Variants in CCDC178 observed in about 807,000 individuals in gnomAD.
CCDC178 encodes coiled-coil domain-containing protein 178.
Under a neutral mutation model 117.4 loss-of-function variants are expected in CCDC178, and 126 were observed. The ratio of observed to expected loss-of-function variants is 1.07; its 90% CI spans 0.93 to 1.24. The LOEUF (loss-of-function observed/expected upper bound fraction) is 1.24. Ranked by LOEUF, CCDC178 falls within the 50% of genes most tolerant of loss-of-function variation. CCDC178 has a pLI of 0.00. For missense variants in CCDC178, 1,030 were observed against 986.9 expected (o/e 1.04, Z -0.59); for synonymous variants, 283 against 313.4 (o/e 0.90, Z 1.02).
At chr18:33,043,642 G>A (rs2056589543) in intron 21 of CCDC178, among the ~76,000 whole-genome samples, 1 of 152,056 alleles carries the variant, frequency 6.6e-6, no homozygotes, top group African/African-American at 2.4e-5. Context: ...TATAAATTAA[G>A]TTTTCAGGGT....
chr18:33,416,128 T>A (rs1039408720), intron 2 of CCDC178, among the ~76,000 whole-genome samples: 1 of 151,872 alleles, frequency 6.6e-6, no homozygotes, highest in African/African-American at 2.4e-5. Flanking sequence ...GCTAAACACA[T>A]CAGAAAAAAA....
chr18:33,005,184 A>G lies in CCDC178; in HGVS notation c.2389-30503T>C, dbSNP rs188201511. Reference sequence around the variant, plus strand: ...GCACTCTCATGTTTACTGCAGCACTATCACAATCACCATGATTTGTAAACA... The same window carrying G: ...GCACTCTCATGTTTACTGCAGCACTGTCACAATCACCATGATTTGTAAACA... On this transcript the variant is annotated intron_variant, in intron 21 of 22. Transcript: ENST00000383096. Among the ~76,000 whole-genome samples the G allele has an allele frequency of 3.9e-5, 6 of 152,244 alleles. No homozygotes were observed. The East Asian group carries it at 7.7e-4, about 20-fold the overall frequency.
In CCDC178 at chr18:33,346,410, A is replaced by T. The variant is rs377568329; in HGVS notation, c.459T>A (p.Asp153Glu). 17 of 1,598,142 alleles carry T rather than the reference A, an allele frequency of 1.1e-5. No homozygotes were observed. In the African/African-American group the frequency reaches 1.9e-4, roughly 18 times the overall value. ...VKEVKPGEKR[D>E]EKCPELKQEM... ...CCTGCTTTAACTCTGGACACTTTTC[A>T]TCTTAAACAGAAATAAATATTCACA... Residue 153 changes from aspartate (D) to glutamate (E), a missense_variant and splice_region_variant, in exon 9 of 23, where the codon GAT becomes GAA. By Grantham distance (45) the Asp-to-Glu change is conservative. Coordinates refer to ENST00000383096, the MANE Select transcript of CCDC178 (RefSeq NM_001105528.4).
At chr18:33,238,695 G>A (rs1037125441) in intron 15 of CCDC178, among the ~76,000 whole-genome samples, 1 of 151,996 alleles carries the variant, frequency 6.6e-6, no homozygotes, top group Non-Finnish European at 1.5e-5. Context: ...AAAATAGAAA[G>A]ATGTAGAAAA....
At chr18:33,342,061 G>A (rs1429061026) in intron 9 of CCDC178, among the ~76,000 whole-genome samples, 1 of 152,182 alleles carries the variant, frequency 6.6e-6, no homozygotes, top group East Asian at 1.9e-4. Flanking sequence ...TCTAGAACCA[G>A]TGAAACTTCT....
intron 14 of CCDC178, among the ~76,000 whole-genome samples, chr18:33,265,175 G>T (rs72951055): frequency 0.067 from 10,255 of 152,030 alleles, 514 homozygotes; most frequent in African/African-American, 0.14. Context: ...CATTTCCAAA[G>T]GTAAAATAAT....
chr18:33,288,143 C>T (rs1029524038), intron 12 of CCDC178, among the ~76,000 whole-genome samples: 4 of 152,070 alleles, frequency 2.6e-5, no homozygotes, highest in African/African-American at 9.7e-5. Flanking sequence ...CTCCAGGTCA[C>T]CAAGTTCTTT....
At chr18:32,979,422 G>A (rs2055099201) in intron 21 of CCDC178, among the ~76,000 whole-genome samples, 1 of 152,202 alleles carries the variant, frequency 6.6e-6, no homozygotes, top group East Asian at 1.9e-4. Context: ...GCCTCCCAAA[G>A]TGCTGGGATT....
At chr18:33,329,683 A>T (rs571739566) in intron 10 of CCDC178, among the ~76,000 whole-genome samples, 3 of 152,090 alleles carry the variant, frequency 2.0e-5, no homozygotes, top group Admixed American at 2.0e-4. Flanking sequence ...ATGCTGCTAG[A>T]TTTGGGTTGC....
chr18:33,319,733 A>G (rs912444157), intron 11 of CCDC178, among the ~76,000 whole-genome samples: 1 of 152,188 alleles, frequency 6.6e-6, no homozygotes, highest in Admixed American at 6.5e-5. Context: ...TTGCCATTCT[A>G]ACTGGTGTGA....
intron 5 of CCDC178, among the ~76,000 whole-genome samples, chr18:33,388,033 C>A (rs1165638105): frequency 1.3e-5 from 2 of 151,708 alleles, no homozygotes; most frequent in Admixed American, 1.3e-4. Context: ...CAAACAACCC[C>A]ATTAAAAAAA....
intron 21 of CCDC178, among the ~76,000 whole-genome samples, chr18:33,010,547 T>C (rs2055843027): frequency 6.6e-6 from 1 of 152,158 alleles, no homozygotes; most frequent in African/African-American, 2.4e-5. Flanking sequence ...CACATCTCAG[T>C]CTAGCTGCCT....
At chr18:33,115,579 A>C (rs1286574762) in intron 20 of CCDC178, among the ~76,000 whole-genome samples, 3 of 152,032 alleles carry the variant, frequency 2.0e-5, no homozygotes, top group Admixed American at 2.0e-4. Context: ...TCACCGAACA[A>C]AGATTGTATT....
At chr18:33,174,356 A>AT (rs2058638935) in intron 20 of CCDC178, among the ~76,000 whole-genome samples, 1 of 152,206 alleles carries the variant, frequency 6.6e-6, no homozygotes, top group South Asian at 2.1e-4. Flanking sequence ...TATCCAAACC[A>AT]TATCAGAAGT....
intron 20 of CCDC178, among the ~76,000 whole-genome samples, chr18:33,201,580 G>C (rs377595095): frequency 2.0e-4 from 30 of 152,282 alleles, no homozygotes; most frequent in African/African-American, 7.0e-4. Context: ...GACTTCAGAG[G>C]CGGGGCTTCA....
At chr18:33,127,035 CACACAT>C (rs1189095950) in intron 20 of CCDC178, among the ~76,000 whole-genome samples, 6,333 of 147,100 alleles carry the variant, frequency 0.043, 157 homozygotes, top group Middle Eastern at 0.083. Context: ...CACACACACA[CACACAT>C]GGATCTTTGC....
rs1188035749 is a variant in CCDC178, at chr18:33,375,136, A to C, written c.209-4947T>G. Among the ~76,000 whole-genome samples the C allele has an allele frequency of 2.6e-5, 4 of 152,300 alleles. No homozygotes were observed. The East Asian group carries it at 7.7e-4, about 29-fold the overall frequency. On this transcript the variant is annotated intron_variant, in intron 5 of 22. Coordinates refer to ENST00000383096, the MANE Select transcript of CCDC178 (RefSeq NM_001105528.4). ...GTACCTCCATATATCTGTTTTATAA[A>C]AAAGACCACTAAGCATATCCTAGTG...
chr18:33,139,155 T>G (rs533502280), intron 20 of CCDC178, among the ~76,000 whole-genome samples: 1 of 152,328 alleles, frequency 6.6e-6, no homozygotes, highest in South Asian at 2.1e-4. Context: ...CTGCCATCCA[T>G]GTAAGACATG....
chr18:33,187,560 C>A (rs2058812000), intron 20 of CCDC178, among the ~76,000 whole-genome samples: 2 of 152,026 alleles, frequency 1.3e-5, no homozygotes. Flanking sequence ...AAAATGTGAC[C>A]TTTAAGTATG....
Sources: allele counts gnomAD v4.1 joint callset (sites outside exome capture counted in the v4.1 genomes callset), GRCh38; gene constraint gnomAD v4.1.1; transcripts MANE v1.5; gene names NCBI Gene and HGNC (gene_info 2026-07-23, HGNC 2026-07-21).